PCLO: variants seen among roughly 807,000 people sequenced by gnomAD.
The protein encoded by PCLO is piccolo presynaptic cytomatrix protein.
Under a neutral mutation model 427.5 loss-of-function variants are expected in PCLO, and 82 were observed. The observed-to-expected ratio is 0.19, with a 90% CI of 0.16 to 0.23. PCLO has a LOEUF of 0.23. Ranked by LOEUF, PCLO falls within the 10% of genes least tolerant of loss-of-function variation. PCLO has a pLI of 1.00. For synonymous variants in PCLO, 2,357 were observed against 2,155.4 expected (o/e 1.09, Z -2.59); for missense variants, 6,239 against 6,115.9 (o/e 1.02, Z -0.67).
chr7:82,900,717 G>A (rs2116182111), intron 9 of PCLO, among the ~76,000 whole-genome samples: 1 of 151,736 alleles, frequency 6.6e-6, no homozygotes, highest in East Asian at 1.9e-4. Flanking sequence ...AAAATAAATG[G>A]TGGGTTTGTG....
At chr7:82,860,070 G>C (rs1016451379) in intron 10 of PCLO, among the ~76,000 whole-genome samples, 1 of 151,986 alleles carries the variant, frequency 6.6e-6, no homozygotes, top group African/African-American at 2.4e-5. Flanking sequence ...CACACCTACA[G>C]GATCTAGGAA....
chr7:82,865,728 A>G (rs1793076285), intron 10 of PCLO, among the ~76,000 whole-genome samples: 1 of 152,162 alleles, frequency 6.6e-6, no homozygotes, highest in East Asian at 1.9e-4. Context: ...GATCATTTTC[A>G]TTAACTAAAT....
At chr7:82,895,023 C>T (rs1433372325) in intron 9 of PCLO, among the ~76,000 whole-genome samples, 1 of 152,000 alleles carries the variant, frequency 6.6e-6, no homozygotes. Flanking sequence ...TGGAAACTGT[C>T]AGACTCACAA....
intron 3 of PCLO, among the ~76,000 whole-genome samples, chr7:83,085,473 C>A (rs12707544): frequency 0.49 from 74,308 of 151,882 alleles, 18,302 homozygotes; most frequent in African/African-American, 0.51. Flanking sequence ...AGACAGTCTG[C>A]CACCAGAGCC....
At position 82,916,701 on chromosome 7, in the gene PCLO, A is replaced by T; in HGVS notation, c.11285T>A (p.Ile3762Asn). 6.2e-7 allele frequency: 1 copy of T among 1,613,660 alleles called. No individual in the cohort carries two copies. ...CRTNTMARAK[I>N]LQDIDRELDL... ...AAGCTCTCTGTCTATGTCCTGGAGA[A>T]TCTTGGCTCGTGCCATTGTGTTGGT... The change falls in exon 7 of 25, where the codon ATT (isoleucine) becomes AAT (asparagine). Residue 3762 changes from isoleucine to asparagine, a missense_variant. By Grantham distance (149) the Ile-to-Asn change is moderately radical. Around this residue, in one of 5 missense-constraint regions of PCLO, gnomAD observed 4,677 missense variants for 4,468.4 expected, o/e 1.05. Transcript: ENST00000333891.
intron 3 of PCLO, among the ~76,000 whole-genome samples, chr7:83,033,076 A>G (rs1431248549): frequency 6.6e-6 from 1 of 152,078 alleles, no homozygotes; most frequent in Non-Finnish European, 1.5e-5. Context: ...TCCTACCACC[A>G]TGTAAGAAGG....
intron 9 of PCLO, among the ~76,000 whole-genome samples, chr7:82,898,050 G>A (rs1038538880): frequency 4.0e-5 from 6 of 151,318 alleles, no homozygotes; most frequent in Non-Finnish European, 1.5e-5. Flanking sequence ...ATAACTATTT[G>A]ATAAGCAAAA....
At chr7:83,127,172 T>G (rs1745814778) in intron 3 of PCLO, among the ~76,000 whole-genome samples, 3 of 152,058 alleles carry the variant, frequency 2.0e-5, no homozygotes, top group Admixed American at 2.0e-4. Context: ...TGTACATCTA[T>G]TCACCTTATA....
At chr7:82,911,654 C>A (rs1165513958) in intron 7 of PCLO, among the ~76,000 whole-genome samples, 2 of 151,966 alleles carry the variant, frequency 1.3e-5, no homozygotes, top group Non-Finnish European at 2.9e-5. Flanking sequence ...GACGAAGTCT[C>A]ACTCTGTCGC....
intron 3 of PCLO, among the ~76,000 whole-genome samples, chr7:83,004,766 A>G (rs1000866158): frequency 6.6e-6 from 1 of 151,618 alleles, no homozygotes; most frequent in Non-Finnish European, 1.5e-5. Context: ...TATTTGAAAA[A>G]CATATATCTG....
intron 10 of PCLO, among the ~76,000 whole-genome samples, chr7:82,863,870 G>C (rs1793026559): frequency 6.6e-6 from 1 of 151,980 alleles, no homozygotes; most frequent in Non-Finnish European, 1.5e-5. Context: ...CATTTCACTT[G>C]TGGTAATACC....
intron 22 of PCLO, among the ~76,000 whole-genome samples, chr7:82,771,650 C>A (rs1258932229): frequency 6.6e-6 from 1 of 152,182 alleles, no homozygotes; most frequent in East Asian, 1.9e-4. Context: ...AAAGGTCACA[C>A]AACTGGATTA....
chr7:82,790,096 C>T (rs1791070777), intron 22 of PCLO, among the ~76,000 whole-genome samples: 1 of 152,100 alleles, frequency 6.6e-6, no homozygotes, highest in Non-Finnish European at 1.5e-5. Flanking sequence ...AGCTGTCTGT[C>T]CTGCTTTTCG....
At chr7:82,974,751 T>C (rs761654852) in intron 3 of PCLO, among the ~76,000 whole-genome samples, 6 of 152,130 alleles carry the variant, frequency 3.9e-5, no homozygotes, top group African/African-American at 1.2e-4. Context: ...TCTGCTCTTA[T>C]AGAGGTGTAT....
chr7:83,125,677 T>C (rs1345358722), intron 3 of PCLO, among the ~76,000 whole-genome samples: 1 of 152,146 alleles, frequency 6.6e-6, no homozygotes, highest in Non-Finnish European at 1.5e-5. Context: ...AAACAGATGC[T>C]TGAAGGCAGC....
rs1281550229 is a variant in PCLO at position 82,754,815 on chromosome 7, T to G, written c.*3760A>C. The stretch of plus-strand genomic sequence containing the variant: ...CTCATAATTATTCATTGAGTCTTCT[T>G]TCACTTTCATGTCAAGCTCAAAAAG... On this transcript the variant is annotated 3_prime_UTR_variant, in exon 25 of 25. Coordinates refer to ENST00000333891, the MANE Select transcript of PCLO (RefSeq NM_033026.6). 1 of 152,104 alleles carries G rather than the reference T, an allele frequency of 6.6e-6. No individual in the cohort carries two copies. Among genetic ancestry groups the G allele is most frequent in the Non-Finnish European group, 1.5e-5 (1 of 67,954 alleles). 9.4% of individuals were successfully genotyped at this position (152,104 alleles called of 1,614,324 possible).
chr7:83,062,665 C>T (rs1346178181), intron 3 of PCLO, among the ~76,000 whole-genome samples: 1 of 152,120 alleles, frequency 6.6e-6, no homozygotes, highest in Admixed American at 6.5e-5. Context: ...TTAACATCAA[C>T]TGTCTTAAAT....
chr7:82,835,811 T>C (rs774323782), intron 15 of PCLO, 118 bp from the exon 16 acceptor site: 14 of 757,086 alleles, frequency 1.8e-5, no homozygotes, highest in Non-Finnish European at 3.1e-5. Flanking sequence ...CTAGAGGAGC[T>C]ATCCCATAAC....
rs753090890 is a variant in PCLO, at chr7:83,154,728, CAG to C, written c.1893+18_1893+19del. On this transcript the variant is annotated intron_variant, in intron 2 of 24. Coordinates refer to ENST00000333891, the MANE Select transcript of PCLO (RefSeq NM_033026.6). ...ATGATATGGCTGAAGAGTATGGACT[CAG>C]TGAATAAATGCACTTACCTCCGTTA... 6.5e-7 allele frequency: 1 copy of C among 1,547,856 alleles called. No individual in the cohort carries two copies. Among genetic ancestry groups the C allele is most frequent in the Non-Finnish European group, 8.9e-7 (1 of 1,120,472 alleles).
Sources: allele counts gnomAD v4.1 joint callset (sites outside exome capture counted in the v4.1 genomes callset), GRCh38; gene constraint gnomAD v4.1.1; regional missense constraint gnomAD v4.1.1; transcripts MANE v1.5; gene names NCBI Gene and HGNC (gene_info 2026-07-23, HGNC 2026-07-21).